The following ZNF717 variants were observed in gnomAD, a reference collection of about 807,000 sequenced individuals.
ZNF717 encodes zinc finger protein 717, also known as krueppel-like factor X17.
ZNF717 carries 9 observed loss-of-function variants against 13.8 expected under a neutral mutation model. The observed-to-expected ratio is 0.65, with a 90% CI of 0.39 to 1.14. ZNF717 has a LOEUF of 1.14. ZNF717 is among the 50% of genes most tolerant of loss of function. The pLI is 0.01. For missense variants in ZNF717, 1,040 were observed against 1,080.7 expected (o/e 0.96, Z 0.53); for synonymous variants, 327 against 364.1 (o/e 0.90, Z 1.16).
At chr3:75,732,625 C>G, downstream of ZNF717, among the ~76,000 whole-genome samples, 1 of 152,232 alleles carries the variant, frequency 6.6e-6, no homozygotes, top group Non-Finnish European at 1.5e-5. Flanking sequence ...TGGGTCTCAT[C>G]AAACACTGAA....
intron 2 of ZNF717, among the ~76,000 whole-genome samples, chr3:75,777,970 C>G (rs191937172): frequency 6.8e-6 from 1 of 147,440 alleles, no homozygotes; most frequent in Non-Finnish European, 1.5e-5. Context: ...GTGCTAAAAC[C>G]GGAAACCAAA....
chr3:75,749,097 G>A (rs114414977), intron 2 of ZNF717, among the ~76,000 whole-genome samples: 274 of 151,404 alleles, frequency 1.8e-3, no homozygotes, highest in African/African-American at 6.0e-3. Flanking sequence ...CACTGCTGCT[G>A]GGGTCTGAGT....
At chr3:75,763,124 G>A (rs183479157) in intron 2 of ZNF717, among the ~76,000 whole-genome samples, 1 of 152,184 alleles carries the variant, frequency 6.6e-6, no homozygotes, top group Admixed American at 6.5e-5. Flanking sequence ...TTATGACAAT[G>A]AATTTGTCAA....
chr3:75,762,623 T>C (rs1943130537), intron 2 of ZNF717, among the ~76,000 whole-genome samples: 1 of 152,148 alleles, frequency 6.6e-6, no homozygotes, highest in Non-Finnish European at 1.5e-5. Flanking sequence ...CTTGGAATGA[T>C]GTCAACACTA....
intron 6 of ZNF717, among the ~76,000 whole-genome samples, chr3:75,695,572 T>C (rs1403499860): frequency 6.6e-6 from 1 of 152,382 alleles, no homozygotes; most frequent in Non-Finnish European, 1.5e-5. Context: ...ATAGACCATA[T>C]GTTAAGTAAC....
rs1225992323 is a variant in ZNF717, at chr3:75,699,669, T to C, written n.1085+11518A>G. Among the ~76,000 whole-genome samples the C allele has an allele frequency of 4.6e-5, 7 of 152,398 alleles. No homozygotes were observed. The East Asian group carries it at 1.4e-3, about 30-fold the overall frequency. On this transcript the variant is annotated intron_variant and non_coding_transcript_variant, in intron 6 of 6. Coordinates refer to the ZNF717 transcript ENST00000648506. ...CCAGTGCTATGCTTTCTGTATACCC[T>C]GTAGAACCATGAGCCAATTAAACCT...
chr3:75,762,098 AAAAG>A (rs1943081703), intron 2 of ZNF717, among the ~76,000 whole-genome samples: 1 of 33,998 alleles, frequency 2.9e-5, no homozygotes, highest in Non-Finnish European at 8.4e-5. Flanking sequence ...AGAAAAGAAA[AAAAG>A]AAAAGAAAGA....
intron 4 of ZNF717, among the ~76,000 whole-genome samples, chr3:75,721,140 C>G (rs1360564447): frequency 6.6e-6 from 1 of 152,000 alleles, no homozygotes; most frequent in Non-Finnish European, 1.5e-5. Context: ...GAAGGAAAAA[C>G]TACTTGAAAA....
chr3:75,716,709 G>A (rs1408586660), intron 4 of ZNF717, among the ~76,000 whole-genome samples: 6 of 152,252 alleles, frequency 3.9e-5, no homozygotes, highest in African/African-American at 1.2e-4. Flanking sequence ...AAGATTCTTG[G>A]GGGTGGTAAA....
intron 2 of ZNF717, among the ~76,000 whole-genome samples, chr3:75,755,273 A>C (rs1430418771): frequency 3.9e-5 from 6 of 152,278 alleles, no homozygotes; most frequent in Non-Finnish European, 7.3e-5. Flanking sequence ...GCATTAAAGA[A>C]AGAATTGTGG....
chr3:75,736,769 C>A lies in ZNF717; in HGVS notation c.*109G>T, dbSNP rs1467023714. On this transcript the variant is annotated 3_prime_UTR_variant, in exon 5 of 5. Transcript: ENST00000652011. ...GACTTCTGTTACAGCATGGTTAAGA[C>A]CTTCTTGTTGGTAGGCCAGGAGGTA... 3.6e-5 allele frequency: 44 copies of A among 1,224,524 alleles called. No homozygotes were observed. In the African/African-American group the frequency reaches 5.4e-4, roughly 15 times the overall value. The allele number at this position is 1,224,524 out of a possible 1,614,324, so 75.9% of individuals were successfully genotyped here.
downstream of ZNF717, among the ~76,000 whole-genome samples, chr3:75,708,610 G>A (rs2106830360): frequency 6.6e-6 from 1 of 152,352 alleles, no homozygotes; most frequent in African/African-American, 2.4e-5. Context: ...GAACAAAGCT[G>A]GACGGAGAAT....
chr3:75,781,559 T>C (rs1249033618), intron 2 of ZNF717, among the ~76,000 whole-genome samples: 1 of 152,198 alleles, frequency 6.6e-6, no homozygotes, highest in Non-Finnish European at 1.5e-5. Flanking sequence ...CGTCCTTAGA[T>C]ACCTAACCTT....
intron 4 of ZNF717, among the ~76,000 whole-genome samples, chr3:75,719,205 G>A (rs1938121787): frequency 6.6e-6 from 1 of 151,198 alleles, no homozygotes; most frequent in South Asian, 2.1e-4. Flanking sequence ...TGAGGTGGGA[G>A]GATTGCTTGA....
intron 2 of ZNF717, among the ~76,000 whole-genome samples, chr3:75,774,926 C>A (rs2107676669): frequency 6.6e-6 from 1 of 151,704 alleles, no homozygotes; most frequent in African/African-American, 2.4e-5. Flanking sequence ...GCCAGGATTT[C>A]TAAAATTCTA....
downstream of ZNF717, among the ~76,000 whole-genome samples, chr3:75,727,327 G>A (rs201959197): frequency 3.9e-4 from 59 of 152,204 alleles, no homozygotes; most frequent in East Asian, 7.3e-3. Flanking sequence ...GAATAACAGC[G>A]ATTTTCAGGG....
In ZNF717 at chr3:75,761,319, C is replaced by T. The variant is rs1383893989; in HGVS notation, c.58-19583G>A. 7.2e-5 allele frequency among the ~76,000 whole-genome samples: 11 copies of T among 152,366 alleles called. No individual in the cohort carries two copies. In the South Asian group the frequency reaches 1.2e-3, roughly 17 times the overall value. On this transcript the variant is annotated intron_variant, in intron 2 of 4. Transcript: ENST00000652011. Reference sequence around the variant, plus strand: ...GGTCAACATTTATCTGGTTCCACAGCGGGATGAACACCTTTCATAATAAAA... The same window carrying T: ...GGTCAACATTTATCTGGTTCCACAGTGGGATGAACACCTTTCATAATAAAA...
chr3:75,706,698 T>C (rs1937809517), downstream of ZNF717, among the ~76,000 whole-genome samples: 2 of 152,308 alleles, frequency 1.3e-5, no homozygotes, highest in Admixed American at 6.5e-5. Context: ...TAGGGTCTGA[T>C]ACTTCCTACC....
At chr3:75,729,615 CAAA>C (rs369485280), downstream of ZNF717, among the ~76,000 whole-genome samples, 169 of 115,550 alleles carry the variant, frequency 1.5e-3, no homozygotes, top group Admixed American at 4.3e-3. Context: ...AACTCCATAT[CAAA>C]AAAAAAAAAA....
Sources: gnomAD v4.1 joint callset for allele counts (sites outside exome capture counted in the v4.1 genomes callset) on GRCh38, gnomAD v4.1.1 for gene constraint, MANE v1.5 for transcripts, NCBI Gene and HGNC (gene_info 2026-07-23, HGNC 2026-07-21) for gene names.